Variants in B3GALT1 observed in about 807,000 individuals in gnomAD.
B3GALT1 encodes the protein UDP-Gal:betaGlcNAc beta 1,3-galactosyltransferase, polypeptide 1.
In B3GALT1, 10 loss-of-function variants were observed where a neutral mutation model predicts 23.2. The ratio of observed to expected loss-of-function variants is 0.43; its 90% CI spans 0.27 to 0.73. The LOEUF is 0.73. Ranked by LOEUF, B3GALT1 falls within the 30% of genes least tolerant of loss-of-function variation. The pLI is 0.21. For synonymous variants in B3GALT1, 156 were observed against 141.5 expected, an observed-to-expected ratio of 1.10 and a Z score of -0.73; for missense variants, 299 against 405.4, an observed-to-expected ratio of 0.74 and a Z score of 2.25.
intron 3 of B3GALT1, among the ~76,000 whole-genome samples, chr2:167,758,016 AG>A (rs1687843914): frequency 6.6e-6 from 1 of 152,204 alleles, no homozygotes; most frequent in Admixed American, 6.5e-5. Flanking sequence ...ATTAAGAAAA[AG>A]TTTAGCTTCT....
intron 2 of B3GALT1, among the ~76,000 whole-genome samples, chr2:167,494,771 G>A (rs1699754752): frequency 6.6e-6 from 1 of 152,138 alleles, no homozygotes; most frequent in African/African-American, 2.4e-5. Context: ...ATGAGCCCAT[G>A]GTAAACTCTG....
chr2:167,494,209 G>T (rs1363002970), intron 2 of B3GALT1, among the ~76,000 whole-genome samples: 2 of 152,066 alleles, frequency 1.3e-5, no homozygotes, highest in African/African-American at 4.8e-5. Context: ...AAAAAAGAAT[G>T]AAGTGTATAA....
chr2:167,798,305 A>G (rs1209915769), intron 3 of B3GALT1, among the ~76,000 whole-genome samples: 1 of 152,084 alleles, frequency 6.6e-6, no homozygotes, highest in Non-Finnish European at 1.5e-5. Context: ...CCCATTTGTC[A>G]TTTTTAGCTT....
intron 3 of B3GALT1, among the ~76,000 whole-genome samples, chr2:167,732,449 C>G (rs1313405791): frequency 2.6e-5 from 4 of 152,182 alleles, no homozygotes; most frequent in Non-Finnish European, 5.9e-5. Flanking sequence ...GAATTAAGTC[C>G]TGGTGAGCCT....
intron 2 of B3GALT1, among the ~76,000 whole-genome samples, chr2:167,572,267 G>A (rs2105400909): frequency 6.6e-6 from 1 of 151,782 alleles, no homozygotes; most frequent in Non-Finnish European, 1.5e-5. Context: ...ACTTTCCACG[G>A]AAAATATGTA....
At chr2:167,322,467 AAAT>A (rs1696828920) in intron 1 of B3GALT1, among the ~76,000 whole-genome samples, 3 of 152,002 alleles carry the variant, frequency 2.0e-5, no homozygotes, top group Non-Finnish European at 4.4e-5. Context: ...TTCATGTATA[AAAT>A]AATAGTTTTT....
intron 2 of B3GALT1, among the ~76,000 whole-genome samples, chr2:167,633,193 A>G (rs936015986): frequency 3.9e-5 from 6 of 151,992 alleles, no homozygotes; most frequent in Non-Finnish European, 5.9e-5. Context: ...AGAACACCAC[A>G]AAGATAATCC....
At chr2:167,710,958 C>T (rs1687038633) in intron 3 of B3GALT1, among the ~76,000 whole-genome samples, 1 of 152,132 alleles carries the variant, frequency 6.6e-6, no homozygotes, top group Admixed American at 6.5e-5. Context: ...GTGTAAAGCC[C>T]TCCAGGGTTT....
chr2:167,691,714 CTATGG>C (rs2105501733), intron 3 of B3GALT1, among the ~76,000 whole-genome samples: 1 of 152,054 alleles, frequency 6.6e-6, no homozygotes, highest in East Asian at 1.9e-4. Flanking sequence ...TTCAGTTCTT[CTATGG>C]AAGACTAAAA....
At chr2:167,385,156 G>T (rs936053308) in intron 1 of B3GALT1, among the ~76,000 whole-genome samples, 1 of 152,006 alleles carries the variant, frequency 6.6e-6, no homozygotes, top group Non-Finnish European at 1.5e-5. Flanking sequence ...CTGCTTTCTT[G>T]TCATTCTCCC....
rs75264561 is a variant in B3GALT1 at position 167,419,380 on chromosome 2, G to A, written c.-510-70797G>A. On this transcript the variant is annotated intron_variant, in intron 1 of 4. Transcript: ENST00000392690. ...GTTTTTTCCTTCCCAAGAATGATTGGCATTATACATACTGCTGATAAACAA... is the reference window on the plus strand; with the variant it reads ...GTTTTTTCCTTCCCAAGAATGATTGACATTATACATACTGCTGATAAACAA... Among the ~76,000 whole-genome samples, 735 of 152,166 alleles carry A rather than the reference G, an allele frequency of 4.8e-3. 5 individuals carry two copies. Among genetic ancestry groups the A allele is most frequent in the East Asian group, 0.018 (94 of 5,170 alleles).
chr2:167,787,345 T>C (rs1214052194), intron 3 of B3GALT1, among the ~76,000 whole-genome samples: 1 of 152,154 alleles, frequency 6.6e-6, no homozygotes, highest in African/African-American at 2.4e-5. Flanking sequence ...GATAGCTCCT[T>C]AGATAAGTAA....
intron 3 of B3GALT1, among the ~76,000 whole-genome samples, chr2:167,721,936 G>T (rs1558959517): frequency 6.6e-6 from 1 of 152,176 alleles, no homozygotes; most frequent in South Asian, 2.1e-4. Flanking sequence ...CTCTTGGAGG[G>T]TTCAATTATT....
chr2:167,715,564 T>C (rs2105522427), intron 3 of B3GALT1: 1 of 1,613,898 alleles, frequency 6.2e-7, no homozygotes, highest in South Asian at 1.1e-5. Context: ...TTGAAATATC[T>C]GCCATCAGTT....
At chr2:167,740,730 TAAA>T (rs1262442928) in intron 3 of B3GALT1, among the ~76,000 whole-genome samples, 2 of 152,174 alleles carry the variant, frequency 1.3e-5, no homozygotes, top group Non-Finnish European at 2.9e-5. Flanking sequence ...AAATAAGTAA[TAAA>T]AAATTTCTAG....
chr2:167,639,512 A>G (rs1409294466), intron 2 of B3GALT1, among the ~76,000 whole-genome samples: 1 of 152,048 alleles, frequency 6.6e-6, no homozygotes, highest in Non-Finnish European at 1.5e-5. Context: ...CTCCTTCATA[A>G]CTGTTATTCA....
intron 4 of B3GALT1, among the ~76,000 whole-genome samples, chr2:167,842,875 T>C (rs562260175): frequency 3.3e-5 from 5 of 152,216 alleles, no homozygotes; most frequent in African/African-American, 1.2e-4. Flanking sequence ...TCAATAATAA[T>C]AATAATAATA....
chr2:167,440,069 G>C (rs6718564), intron 1 of B3GALT1, among the ~76,000 whole-genome samples: 53,069 of 151,682 alleles, frequency 0.35, 12,577 homozygotes, highest in African/African-American at 0.68. Flanking sequence ...TAAGGCTGGG[G>C]GCAGTGGCTC....
At chr2:167,548,365 C>T (rs1400610594) in intron 2 of B3GALT1, among the ~76,000 whole-genome samples, 1 of 152,210 alleles carries the variant, frequency 6.6e-6, no homozygotes, top group South Asian at 2.1e-4. Flanking sequence ...ATCTCTTTCT[C>T]TCTCATAAAT....
Sources: gnomAD v4.1 joint callset for allele counts (sites outside exome capture counted in the v4.1 genomes callset) on GRCh38, gnomAD v4.1.1 for gene constraint, MANE v1.5 for transcripts, NCBI Gene and HGNC (gene_info 2026-07-23, HGNC 2026-07-21) for gene names.